ARMH4: variants seen among roughly 807,000 people sequenced by gnomAD.
ARMH4 encodes the protein armadillo like helical domain containing 4.
Under a neutral mutation model 61.9 loss-of-function variants are expected in ARMH4, and 49 were observed. That is an observed-to-expected ratio of 0.79 (90% confidence interval 0.63 to 1.00). The LOEUF is 1.00. Among genes scored for constraint, ARMH4 ranks in the 50% least tolerant of loss-of-function variants. The pLI is 0.00. For synonymous variants in ARMH4, 368 were observed against 341.5 expected (o/e 1.08, Z -0.85); for missense variants, 934 against 930.0 (o/e 1.00, Z -0.06).
chr14:58,065,342 A>C (rs150076408), intron 5 of ARMH4, among the ~76,000 whole-genome samples: 1 of 152,360 alleles, frequency 6.6e-6, no homozygotes, highest in Non-Finnish European at 1.5e-5. Context: ...AGATACCTCA[A>C]ATCAGACATG....
At chr14:58,090,400 C>T (rs1429333265) in intron 5 of ARMH4, among the ~76,000 whole-genome samples, 4 of 152,104 alleles carry the variant, frequency 2.6e-5, no homozygotes, top group African/African-American at 9.7e-5. Flanking sequence ...GAAAATAGAA[C>T]AACACAGAAA....
chr14:58,046,266 T>C (rs1883938974), intron 5 of ARMH4, among the ~76,000 whole-genome samples: 1 of 152,180 alleles, frequency 6.6e-6, no homozygotes, highest in South Asian at 2.1e-4. Context: ...ACTAAATCCC[T>C]GGTAGCAGTA....
At position 58,096,861 on chromosome 14, in the gene ARMH4, G is replaced by C. The variant is rs147449063; in HGVS notation, c.1952C>G (p.Thr651Ser). Residue 651 changes from threonine (T) to serine (S), a missense_variant, in exon 5 of 8, where the codon ACT (threonine) becomes AGT (serine). Thr to Ser is a moderately conservative substitution (Grantham distance 58, BLOSUM62 1). Coordinates refer to ENST00000267485, the MANE Select transcript of ARMH4 (RefSeq NM_001001872.4). ...DSLDEGLDGD[T>S]ELPGFTLPGI... ...AGGGAGGGTAAAACCTGGCAGCTCA[G>C]TGTCACCATCCAAGCCCTCATCCAG... 699 of 1,613,988 alleles carry C rather than the reference G, an allele frequency of 4.3e-4. 2 individuals are homozygous for C. Among genetic ancestry groups the C allele is most frequent in the Admixed American group, 7.2e-4 (43 of 59,996 alleles).
intron 1 of ARMH4, among the ~76,000 whole-genome samples, chr14:58,147,315 G>GT (rs1887766188): frequency 1.6e-5 from 2 of 126,810 alleles, no homozygotes; most frequent in South Asian, 2.5e-4. Context: ...CAATCCAGAT[G>GT]GTTTTTTTTT....
rs527850531 is a variant in ARMH4, at chr14:58,053,453, G to T, written c.2090-41303C>A. Among the ~76,000 whole-genome samples, 5 of 152,168 alleles carry T rather than the reference G, an allele frequency of 3.3e-5. No homozygotes were observed. The South Asian group carries it at 1.0e-3, about 32-fold the overall frequency. The stretch of plus-strand genomic sequence containing the variant: ...TCCAGGCACAGTGGCCTTCTCTGAA[G>T]TCTTCAAAAACTTCTTCCTGCCCCC... On this transcript the variant is annotated intron_variant, in intron 5 of 7. Transcript: ENST00000267485.
At chr14:58,031,788 G>T (rs949953843) in intron 5 of ARMH4, among the ~76,000 whole-genome samples, 2 of 152,186 alleles carry the variant, frequency 1.3e-5, no homozygotes, top group African/African-American at 4.8e-5. Context: ...AACTTGAAAA[G>T]TTCTCTCTGC....
intron 5 of ARMH4, among the ~76,000 whole-genome samples, chr14:58,030,998 G>A (rs1019168556): frequency 6.6e-6 from 1 of 152,136 alleles, no homozygotes; most frequent in Non-Finnish European, 1.5e-5. Context: ...CCCAGAAGTA[G>A]AATTAGGTTA....
intron 3 of ARMH4, among the ~76,000 whole-genome samples, chr14:58,132,673 C>T (rs1357967056): frequency 6.8e-6 from 1 of 147,580 alleles, no homozygotes; most frequent in Non-Finnish European, 1.5e-5. Context: ...GCAAGCTCCG[C>T]CCCCCGGGTT....
intron 2 of ARMH4, among the ~76,000 whole-genome samples, 174 bp downstream of exon 2, chr14:58,137,816 C>G (rs11626581): frequency 0.6 from 91,085 of 151,800 alleles, 27,911 homozygotes; most frequent in Middle Eastern, 0.7. Flanking sequence ...CGAACTCCTG[C>G]GCCCAAGCAA....
intron 5 of ARMH4, among the ~76,000 whole-genome samples, chr14:58,083,488 C>G (rs1263395264): frequency 6.6e-6 from 1 of 152,180 alleles, no homozygotes; most frequent in Non-Finnish European, 1.5e-5. Context: ...GAGGCTGAGG[C>G]AGGAGAATTG....
At chr14:58,115,499 T>C (rs1886488274) in intron 4 of ARMH4, among the ~76,000 whole-genome samples, 1 of 152,170 alleles carries the variant, frequency 6.6e-6, no homozygotes, top group Admixed American at 6.5e-5. Context: ...TCAGCCCCTG[T>C]GGAAAGCAGT....
intron 3 of ARMH4, among the ~76,000 whole-genome samples, chr14:58,132,742 C>T (rs1219185345): frequency 2.6e-5 from 4 of 151,942 alleles, no homozygotes; most frequent in Admixed American, 1.3e-4. Context: ...CCCGCCACCA[C>T]GCCTGGGTAA....
At chr14:58,105,523 C>T (rs1335730860) in intron 4 of ARMH4, among the ~76,000 whole-genome samples, 1 of 151,924 alleles carries the variant, frequency 6.6e-6, no homozygotes, top group African/African-American at 2.4e-5. Flanking sequence ...CCTGTCTCTA[C>T]TAAAAATACA....
chr14:58,090,785 C>G (rs1214901666), intron 5 of ARMH4, among the ~76,000 whole-genome samples: 1 of 149,270 alleles, frequency 6.7e-6, no homozygotes, highest in Non-Finnish European at 1.5e-5. Flanking sequence ...GCTGCTGAAG[C>G]AGGAGAATCG....
At chr14:58,057,861 A>G (rs1008000728) in intron 5 of ARMH4, among the ~76,000 whole-genome samples, 3 of 152,210 alleles carry the variant, frequency 2.0e-5, no homozygotes, top group Non-Finnish European at 4.4e-5. Context: ...TCTACTTTCA[A>G]ATCAACAAGA....
intron 2 of ARMH4, among the ~76,000 whole-genome samples, chr14:58,136,401 G>C (rs1448982382): frequency 6.6e-6 from 1 of 152,120 alleles, no homozygotes; most frequent in Non-Finnish European, 1.5e-5. Context: ...TAAACTTGTT[G>C]CTCAGTCATA....
chr14:58,092,955 G>A (rs1206127936), intron 5 of ARMH4, among the ~76,000 whole-genome samples: 1 of 151,792 alleles, frequency 6.6e-6, no homozygotes, highest in East Asian at 1.9e-4. Flanking sequence ...ATCTTGAATT[G>A]TAGTTCCCAT....
In ARMH4 at chr14:58,103,476, G is replaced by A. The variant is rs1013722437; in HGVS notation, c.1832-6495C>T. On this transcript the variant is annotated intron_variant, in intron 4 of 7. Coordinates refer to ENST00000267485, the MANE Select transcript of ARMH4 (RefSeq NM_001001872.4). The stretch of plus-strand genomic sequence containing the variant: ...TCTTGGACCCCTCAGCCTCCAGAAC[G>A]ATGAGGAAATAAATTTCTATTATTC... 9.2e-5 allele frequency among the ~76,000 whole-genome samples: 14 copies of A among 151,900 alleles called. 1 individual carries two copies. Among genetic ancestry groups the A allele is most frequent in the Admixed American group, 7.2e-4 (11 of 15,260 alleles).
chr14:58,004,700 G>A lies in ARMH4; in HGVS notation c.*36C>T. On this transcript the variant is annotated 3_prime_UTR_variant, in exon 8 of 8. Transcript: ENST00000267485. Reference sequence around the variant, plus strand: ...CTCCAAAATAAAAATTAGAATAGTAGCATCGTTGAATATCCCAATTAAAAC... The same window carrying A: ...CTCCAAAATAAAAATTAGAATAGTAACATCGTTGAATATCCCAATTAAAAC... 6.8e-7 allele frequency: 1 copy of A among 1,476,546 alleles called. No individual in the cohort carries two copies. The highest frequency in any genetic ancestry group is 9.4e-7 in the Non-Finnish European group (1 of 1,067,984). 91.5% of individuals were successfully genotyped at this position (1,476,546 alleles called of 1,614,324 possible).
Sources: gnomAD v4.1 joint callset for allele counts (sites outside exome capture counted in the v4.1 genomes callset) on GRCh38, gnomAD v4.1.1 for gene constraint, MANE v1.5 for transcripts, NCBI Gene and HGNC (gene_info 2026-07-23, HGNC 2026-07-21) for gene names.